USH1C: variants seen among roughly 807,000 people sequenced by gnomAD.
The protein encoded by USH1C is harmonin.
In USH1C, 90 loss-of-function variants were observed where a neutral mutation model predicts 119.3. The observed-to-expected ratio is 0.75, with a 90% confidence interval of 0.64 to 0.90. USH1C has a LOEUF of 0.90. Ranked by LOEUF, USH1C falls within the 40% of genes least tolerant of loss-of-function variation. The pLI is 0.00. For synonymous variants in USH1C, 465 were observed against 443.3 expected, an observed-to-expected ratio of 1.05 and a Z score of -0.62; for missense variants, 1,165 against 1,167.7, an observed-to-expected ratio of 1.00 and a Z score of 0.03.
intron 1 of USH1C, among the ~76,000 whole-genome samples, chr11:17,543,416 ACC>A (rs34343388): frequency 6.6e-6 from 1 of 151,186 alleles, no homozygotes; most frequent in African/African-American, 2.4e-5. Flanking sequence ...GATACCACCC[ACC>A]CCCCCCAAGC....
chr11:17,535,129 G>A (rs914571045), intron 1 of USH1C, among the ~76,000 whole-genome samples: 2 of 152,144 alleles, frequency 1.3e-5, no homozygotes, highest in Non-Finnish European at 2.9e-5. Flanking sequence ...CAGCAGGGGC[G>A]AGAAATATCT....
chr11:17,539,132 C>A (rs542193403), intron 1 of USH1C, among the ~76,000 whole-genome samples: 1 of 152,312 alleles, frequency 6.6e-6, no homozygotes, highest in African/African-American at 2.4e-5. Context: ...CTTTAAGACT[C>A]ACTTCAAATG....
chr11:17,506,371 T>C (rs574007210), intron 18 of USH1C, among the ~76,000 whole-genome samples: 4 of 152,306 alleles, frequency 2.6e-5, no homozygotes, highest in Non-Finnish European at 5.9e-5. Context: ...GGTAGGCACA[T>C]AGTCTCTAGG....
In USH1C at chr11:17,516,273, G is replaced by C. The variant is rs780885203; in HGVS notation, c.1228C>G (p.Arg410Gly). 17 of 1,613,196 alleles carry C rather than the reference G, an allele frequency of 1.1e-5. No individual in the cohort carries two copies. The highest frequency in any genetic ancestry group is 1.4e-5 in the Non-Finnish European group (17 of 1,179,766). The change falls in exon 15 of 27, where the codon CGT (arginine) becomes GGT (glycine). Residue 410 changes from arginine (R) to glycine (G), a missense_variant. Arg to Gly is a moderately radical substitution (Grantham distance 125). Coordinates refer to ENST00000005226, the MANE Select transcript of USH1C (RefSeq NM_153676.4). ...ATGGTTGGGAATTTGCCATCGTAACGATAAAACCATCCAAAAGCTATAAGA... is the reference window on the plus strand; with the variant it reads ...ATGGTTGGGAATTTGCCATCGTAACCATAAAACCATCCAAAAGCTATAAGA... Reference protein sequence around the residue: ...RKPKSFGWFYRYDGKFPTIRK... With the variant: ...RKPKSFGWFYGYDGKFPTIRK...
intron 14 of USH1C, 24 bp from the exon 15 acceptor site, chr11:17,516,314 G>C: frequency 6.2e-7 from 1 of 1,609,770 alleles, no homozygotes; most frequent in Non-Finnish European, 8.5e-7. Context: ...ATAACAAAAT[G>C]ATGAGACACA....
Position 17,531,861 on chromosome 11 carries a change from T to C in USH1C, c.105-319A>G, listed in dbSNP as rs1851003045. Among the ~76,000 whole-genome samples, 1 of 152,210 alleles carries C rather than the reference T, an allele frequency of 6.6e-6. No homozygotes were observed. On this transcript the variant is annotated intron_variant, in intron 2 of 26. Transcript: ENST00000005226. This position sits in a 1 kb window ranked among gnomAD's most constrained non-coding sequence, Gnocchi z 4.2. ...GAGGGGAAAGCTCTGTGTGAGATGC[T>C]GACAATTCCTCACACACTCATCATC...
chr11:17,521,338 G>T lies in USH1C; in HGVS notation c.1085+8C>A, dbSNP rs1473275281. On this transcript the variant is annotated splice_region_variant and intron_variant, in intron 13 of 26. Transcript: ENST00000005226. ...ATGCACAGACACGCGTGGAGCCGAG[G>T]TACTCACTGTTCCATCTCCTTCCGG... 1 of 1,614,012 alleles carries T rather than the reference G, an allele frequency of 6.2e-7. No homozygotes were observed. Among genetic ancestry groups the T allele is most frequent in the Admixed American group, 1.7e-5 (1 of 60,012 alleles).
At position 17,533,372 on chromosome 11, in the gene USH1C, C is replaced by CG. The variant is rs3033420; in HGVS notation, c.37-51_37-50insC. On this transcript the variant is annotated intron_variant, in intron 1 of 26. Coordinates refer to ENST00000005226, the MANE Select transcript of USH1C (RefSeq NM_153676.4). The stretch of plus-strand genomic sequence containing the variant: ...CAGCTCCAGGCTCAGCACCCGCCCC[C>CG]ATAGCAGACCTCAGGGAGGAGAGGT... The CG allele has an allele frequency of 1.4e-5, 19 of 1,343,708 alleles. No individual in the cohort carries two copies. The East Asian group carries it at 3.9e-4, about 28-fold the overall frequency. 83.2% of individuals were successfully genotyped at this position (1,343,708 alleles called of 1,614,324 possible).
At chr11:17,517,484 GAA>G in intron 14 of USH1C, 1 of 1,584,906 alleles carries the variant, frequency 6.3e-7, no homozygotes, top group Non-Finnish European at 8.6e-7. Context: ...TCTACCCAGG[GAA>G]AAGAGGAGGA....
chr11:17,498,533 T>C (rs1356394711), intron 23 of USH1C, among the ~76,000 whole-genome samples: 1 of 152,168 alleles, frequency 6.6e-6, no homozygotes, highest in Non-Finnish European at 1.5e-5. Flanking sequence ...GCCTCTGTTA[T>C]TACAGAGGGA....
chr11:17,511,779 G>A lies in USH1C; in HGVS notation c.1413+123C>T, dbSNP rs1849902169. 6 of 1,180,888 alleles carry A rather than the reference G, an allele frequency of 5.1e-6. No homozygotes were observed. In the Admixed American group the frequency reaches 7.4e-5, roughly 15 times the overall value. 73.2% of individuals were successfully genotyped at this position (1,180,888 alleles called of 1,614,324 possible). ...CTCTCCAGGCTGGGGAGCAGGAAAG[G>A]GCTCACTCCACCCTTGTATGCCATT... is the stretch of plus-strand genomic sequence containing the variant. On this transcript the variant is annotated intron_variant, in intron 16 of 26. Transcript: ENST00000005226.
In USH1C at chr11:17,531,027, C is replaced by T. The variant is rs78450755; in HGVS notation, c.387+127G>A. 654 of 1,462,002 alleles carry T rather than the reference C, an allele frequency of 4.5e-4. 2 individuals are homozygous for T. The highest frequency in any genetic ancestry group is 1.8e-3 in the Admixed American group (93 of 51,768). The allele number at this position is 1,462,002 out of a possible 1,614,324, so 90.6% of individuals were successfully genotyped here. A position where few individuals can be genotyped will look rare whatever the true frequency, so the allele number is the denominator to read the frequency against. ...AGAACACCCATCAGGATGCGCCAGC[C>T]TCTTCTTCACCCGAAGGCTCAGAAA... On this transcript the variant is annotated intron_variant, in intron 4 of 26. Transcript: ENST00000005226. The surrounding 1 kb of genome is among the most constrained non-coding windows in gnomAD (Gnocchi z 4.2).
At chr11:17,516,692 C>A in intron 14 of USH1C, 1 of 314,932 alleles carries the variant, frequency 3.2e-6, no homozygotes, top group Non-Finnish European at 6.1e-6. Context: ...TCCCTCCATA[C>A]AAAAAATGGC....
chr11:17,517,348 C>A, intron 14 of USH1C: 1 of 1,535,356 alleles, frequency 6.5e-7, no homozygotes, highest in Non-Finnish European at 8.8e-7. Flanking sequence ...CAGGAGGAGG[C>A]GGGCAGGGTA....
At chr11:17,532,748 G>T (rs1565066099) in intron 2 of USH1C, among the ~76,000 whole-genome samples, 1 of 152,138 alleles carries the variant, frequency 6.6e-6, no homozygotes, top group East Asian at 1.9e-4. Flanking sequence ...AGAGTTCTTT[G>T]TGTTTGCAGT....
rs1356079034 is a variant in USH1C at position 17,509,734 on chromosome 11, G to C, written c.1635C>G (p.Asp545Glu). 8 of 1,601,996 alleles carry C rather than the reference G, an allele frequency of 5.0e-6. No homozygotes were observed. The highest frequency in any genetic ancestry group is 6.8e-6 in the Non-Finnish European group (8 of 1,179,726). ...GLHLHTTDLD[D>E]IPLDMFYYPP... is the part of the protein sequence containing the mutation. ...GATAGTAGAACATGTCCAAAGGGAT[G>C]TCGTCCAGGTCAGTGGTGTGCAGGT... The change falls in exon 18 of 27, where the codon GAC becomes GAG. Residue 545 changes from aspartate to glutamate, a missense_variant. Coordinates refer to ENST00000005226, the MANE Select transcript of USH1C (RefSeq NM_153676.4).
Position 17,516,252 on chromosome 11 carries a change from T to C in USH1C, c.1249A>G (p.Thr417Ala). Reference sequence around the variant, plus strand: ...CAACCCTGTCCTACCTTCCGGATGGTTGGGAATTTGCCATCGTAACGATAA... The same window carrying C: ...CAACCCTGTCCTACCTTCCGGATGGCTGGGAATTTGCCATCGTAACGATAA... ...WFYRYDGKFP[T>A]IRKKGKDKKK... Residue 417 changes from threonine to alanine, a missense_variant, in exon 15 of 27, where the codon ACC becomes GCC. Coordinates refer to ENST00000005226, the MANE Select transcript of USH1C (RefSeq NM_153676.4). 6.2e-7 allele frequency: 1 copy of C among 1,613,512 alleles called. No individual in the cohort carries two copies. Among genetic ancestry groups the C allele is most frequent in the Non-Finnish European group, 8.5e-7 (1 of 1,179,842 alleles).
chr11:17,526,111 G>A (rs147632209), intron 8 of USH1C, among the ~76,000 whole-genome samples: 2 of 152,304 alleles, frequency 1.3e-5, no homozygotes, highest in East Asian at 3.9e-4. Context: ...TGAGGTGGGA[G>A]GATTGCTTGA....
In USH1C at chr11:17,512,045, C is replaced by A. The variant is rs1386430747; in HGVS notation, c.1270G>T (p.Asp424Tyr). 6.2e-7 allele frequency: 1 copy of A among 1,614,098 alleles called. No homozygotes were observed. Among genetic ancestry groups the A allele is most frequent in the Non-Finnish European group, 8.5e-7 (1 of 1,180,040 alleles). Reference sequence around the variant, plus strand: ...CTGCCATACTTGGCTTTCTTCTTATCTTTTCCTTTCTGAGTAGATGTGGCA... The same window carrying A: ...CTGCCATACTTGGCTTTCTTCTTATATTTTCCTTTCTGAGTAGATGTGGCA... Reference protein sequence around the residue: ...KFPTIRKKGKDKKKAKYGSLQ... With the variant: ...KFPTIRKKGKYKKKAKYGSLQ... Residue 424 changes from aspartate (D) to tyrosine (Y), a missense_variant, in exon 16 of 27, where the codon GAT becomes TAT. Transcript: ENST00000005226.
Sources: gnomAD v4.1 joint callset for allele counts (sites outside exome capture counted in the v4.1 genomes callset) on GRCh38, gnomAD v4.1.1 for gene constraint, Gnocchi (gnomAD v3.1) non-coding constraint, MANE v1.5 for transcripts, NCBI Gene and HGNC (gene_info 2026-07-23, HGNC 2026-07-21) for gene names.